PI15: variants seen among roughly 807,000 people sequenced by gnomAD.
PI15 encodes the protein peptidase inhibitor 15.
A neutral mutation model predicts 31.0 loss-of-function variants in PI15; 18 were observed. The ratio of observed to expected loss-of-function variants is 0.58; its 90% CI spans 0.40 to 0.86. The LOEUF (loss-of-function observed/expected upper bound fraction) is 0.86, where lower values mean the gene tolerates loss of function less well. Ranked by LOEUF, PI15 falls within the 40% of genes least tolerant of loss-of-function variation. PI15 has a pLI of 0.00. For synonymous variants in PI15, 118 were observed against 119.1 expected, an observed-to-expected ratio of 0.99 and a Z score of 0.06; for missense variants, 282 against 328.1, an observed-to-expected ratio of 0.86 and a Z score of 1.09.
In PI15 at chr8:74,851,701, A is replaced by G. The variant is rs923881066; in HGVS notation, c.*2448A>G. The G allele has an allele frequency of 2.0e-5, 3 of 152,118 alleles. No homozygotes were observed. Among genetic ancestry groups the G allele is most frequent in the African/African-American group, 7.2e-5 (3 of 41,464 alleles). 9.4% of individuals were successfully genotyped at this position (152,118 alleles called of 1,614,324 possible). Reference sequence around the variant, plus strand: ...ATTTTTAGAATTAACTAAGAAGCCAAAAATGGCAACAATTTACAGAAATCC... The same window carrying G: ...ATTTTTAGAATTAACTAAGAAGCCAGAAATGGCAACAATTTACAGAAATCC... On this transcript the variant is annotated 3_prime_UTR_variant, in exon 6 of 6. Coordinates refer to ENST00000260113, the MANE Select transcript of PI15 (RefSeq NM_015886.5).
intron 2 of PI15, among the ~76,000 whole-genome samples, chr8:74,830,688 T>TTA (rs1810768643): frequency 6.6e-6 from 1 of 152,194 alleles, no homozygotes; most frequent in African/African-American, 2.4e-5. Context: ...GTATCTATCT[T>TTA]TATATATACA....
Position 74,827,009 on chromosome 8 carries a change from A to T in PI15, c.273+1487A>T, listed in dbSNP as rs553486293. Among the ~76,000 whole-genome samples, 6 of 152,212 alleles carry T rather than the reference A, an allele frequency of 3.9e-5. No homozygotes were observed. The South Asian group carries it at 1.2e-3, about 32-fold the overall frequency. On this transcript the variant is annotated intron_variant, in intron 2 of 5. Transcript: ENST00000260113. The stretch of plus-strand genomic sequence containing the variant: ...ATTAGATGAGCAAACACATTTTTAA[A>T]ATTACTAAAATGATGAAATAAATAT...
At chr8:74,835,154 T>G (rs1810844473) in intron 2 of PI15, among the ~76,000 whole-genome samples, 1 of 152,174 alleles carries the variant, frequency 6.6e-6, no homozygotes, top group Non-Finnish European at 1.5e-5. Flanking sequence ...GCTCCAGATA[T>G]TCACAACCTT....
chr8:74,825,145 G>C (rs1810673019), intron 1 of PI15, 65 bp from the exon 2 acceptor site: 1 of 909,246 alleles, frequency 1.1e-6, no homozygotes, highest in Non-Finnish European at 1.7e-6. Context: ...TGATGTCTTT[G>C]TAAATTCATA....
intron 2 of PI15, among the ~76,000 whole-genome samples, chr8:74,839,329 C>G (rs571778109): frequency 7.9e-5 from 12 of 152,242 alleles, no homozygotes; most frequent in African/African-American, 2.6e-4. Flanking sequence ...AATTTATGAG[C>G]TGACCAACTG....
intron 2 of PI15, among the ~76,000 whole-genome samples, chr8:74,840,828 G>A (rs191241860): frequency 2.0e-5 from 3 of 152,142 alleles, no homozygotes; most frequent in Non-Finnish European, 4.4e-5. Flanking sequence ...AACACAGTGA[G>A]AGAAAGCAAT....
intron 2 of PI15, among the ~76,000 whole-genome samples, chr8:74,842,055 C>A (rs952674823): frequency 6.6e-6 from 1 of 151,606 alleles, no homozygotes; most frequent in Non-Finnish European, 1.5e-5. Flanking sequence ...AAATTAGTTT[C>A]TTTCAATGAA....
intron 5 of PI15, among the ~76,000 whole-genome samples, chr8:74,846,430 AT>A (rs1407970479): frequency 6.6e-6 from 1 of 152,168 alleles, no homozygotes; most frequent in Admixed American, 6.5e-5. Flanking sequence ...TTATACGAAA[AT>A]TTTAGTTTTA....
intron 2 of PI15, chr8:74,826,355 T>C (rs890724230): frequency 2.3e-6 from 2 of 885,344 alleles, no homozygotes; most frequent in Non-Finnish European, 2.7e-6. Context: ...TATTTCCAAA[T>C]TGGGGTGAGG....
intron 2 of PI15, among the ~76,000 whole-genome samples, chr8:74,833,907 TGCA>T (rs1190578682): frequency 6.6e-6 from 1 of 152,228 alleles, no homozygotes; most frequent in Non-Finnish European, 1.5e-5. Flanking sequence ...AACTGGGCTG[TGCA>T]GCAGATGAGT....
chr8:74,826,135 C>T (rs73689266), intron 2 of PI15: 2,252 of 159,108 alleles, frequency 0.014, 56 homozygotes, highest in African/African-American at 0.051. Flanking sequence ...TCCAACTTGC[C>T]GTGAACACAT....
At chr8:74,848,783 G>C (rs1381738836) in intron 5 of PI15, among the ~76,000 whole-genome samples, 2 of 149,640 alleles carry the variant, frequency 1.3e-5, no homozygotes, top group Admixed American at 1.3e-4. Context: ...GCCCAGGCTG[G>C]AGTGCAGTGG....
rs950895332 is a variant in PI15, at chr8:74,854,440, C to A, written c.*5187C>A. 1.3e-5 allele frequency: 2 copies of A among 152,048 alleles called. No homozygotes were observed. Among genetic ancestry groups the A allele is most frequent in the Non-Finnish European group, 2.9e-5 (2 of 67,968 alleles). The allele number at this position is 152,048 out of a possible 1,614,324, so 9.4% of individuals were successfully genotyped here. On this transcript the variant is annotated 3_prime_UTR_variant, in exon 6 of 6. Coordinates refer to ENST00000260113, the MANE Select transcript of PI15 (RefSeq NM_015886.5). Reference sequence around the variant, plus strand: ...ACCTTCTCCAGTGCCTAGGAATATTCTTCTCTGAGCCCTAGGATTGATTCT... The same window carrying A: ...ACCTTCTCCAGTGCCTAGGAATATTATTCTCTGAGCCCTAGGATTGATTCT...
At chr8:74,827,686 A>G (rs1394597711) in intron 2 of PI15, among the ~76,000 whole-genome samples, 1 of 152,188 alleles carries the variant, frequency 6.6e-6, no homozygotes, top group Non-Finnish European at 1.5e-5. Context: ...TGCTGCATTG[A>G]GGAAATGCCC....
rs765167473 is a variant in PI15, at chr8:74,845,133, G to A, written c.398G>A (p.Arg133His). ...QNLSVRTGRY[R>H]SILQLVKPWY... Reference sequence around the variant, plus strand: ...TTTCTTTTCTTTATATGCAGATATCGCTCTATTCTCCAGTTGGTCAAGCCA... The same window carrying A: ...TTTCTTTTCTTTATATGCAGATATCACTCTATTCTCCAGTTGGTCAAGCCA... The change falls in exon 4 of 6, where the codon CGC becomes CAC. Residue 133 changes from arginine (R) to histidine (H), a missense_variant. Transcript: ENST00000260113. The A allele has an allele frequency of 8.1e-6, 13 of 1,611,916 alleles. No homozygotes were observed. The highest frequency in any genetic ancestry group is 6.7e-5 in the African/African-American group (5 of 74,826).
intron 2 of PI15, among the ~76,000 whole-genome samples, chr8:74,840,983 T>C (rs1047688905): frequency 2.6e-5 from 4 of 152,234 alleles, no homozygotes; most frequent in Admixed American, 1.3e-4. Context: ...TAAGATATTT[T>C]TCAGGCATGA....
intron 2 of PI15, among the ~76,000 whole-genome samples, chr8:74,842,383 C>T (rs534671360): frequency 1.0e-3 from 159 of 152,056 alleles, no homozygotes; most frequent in African/African-American, 3.4e-3. Flanking sequence ...ACAATGTGAA[C>T]GCTATTTTTC....
intron 2 of PI15, among the ~76,000 whole-genome samples, chr8:74,829,887 C>T (rs1331374421): frequency 6.6e-6 from 1 of 152,022 alleles, no homozygotes; most frequent in East Asian, 1.9e-4. Flanking sequence ...AATGCATGAA[C>T]AAAATCTCCA....
At chr8:74,842,554 G>T (rs960550688) in intron 2 of PI15, among the ~76,000 whole-genome samples, 1 of 151,970 alleles carries the variant, frequency 6.6e-6, no homozygotes, top group Non-Finnish European at 1.5e-5. Flanking sequence ...TCTATAATGT[G>T]TATAAGAATT....
Sources: gnomAD v4.1 joint callset for allele counts (sites outside exome capture counted in the v4.1 genomes callset) on GRCh38, gnomAD v4.1.1 for gene constraint, MANE v1.5 for transcripts, NCBI Gene and HGNC (gene_info 2026-07-23, HGNC 2026-07-21) for gene names.